The following PTPRD variants were observed in gnomAD, a reference collection of about 807,000 sequenced individuals.
PTPRD encodes receptor-type tyrosine-protein phosphatase delta.
In PTPRD, 34 loss-of-function variants were observed where a neutral mutation model predicts 214.5. The observed-to-expected ratio is 0.16, with a 90% confidence interval of 0.12 to 0.21. The LOEUF (loss-of-function observed/expected upper bound fraction) is 0.21, where lower values mean the gene tolerates loss of function less well. Ranked by LOEUF, PTPRD falls within the 10% of genes least tolerant of loss-of-function variation. PTPRD has a pLI of 1.00. For synonymous variants in PTPRD, 1,128 were observed against 845.7 expected, an observed-to-expected ratio of 1.33 and a Z score of -5.79; for missense variants, 2,545 against 2,398.7, an observed-to-expected ratio of 1.06 and a Z score of -1.27.
At chr9:8,696,157 G>A (rs1227961760) in intron 12 of PTPRD, among the ~76,000 whole-genome samples, 1 of 152,132 alleles carries the variant, frequency 6.6e-6, no homozygotes, top group Non-Finnish European at 1.5e-5. Context: ...TTCACGTTAT[G>A]TTTTTCAAGG....
At chr9:10,460,729 A>C (rs966117370) in intron 2 of PTPRD, among the ~76,000 whole-genome samples, 1 of 152,144 alleles carries the variant, frequency 6.6e-6, no homozygotes, top group African/African-American at 2.4e-5. Context: ...CACCATACAC[A>C]AAAATCAACT....
intron 2 of PTPRD, among the ~76,000 whole-genome samples, chr9:10,588,570 G>A (rs1056122625): frequency 4.6e-5 from 7 of 151,842 alleles, no homozygotes; most frequent in African/African-American, 1.7e-4. Context: ...GATCAACACA[G>A]TTATATTTGA....
At chr9:10,379,717 G>C (rs2097785820) in intron 2 of PTPRD, among the ~76,000 whole-genome samples, 2 of 151,976 alleles carry the variant, frequency 1.3e-5, no homozygotes, top group South Asian at 4.1e-4. Context: ...TGATGGTTGT[G>C]CCTTAAAACC....
chr9:8,816,039 T>A (rs1324916514), intron 11 of PTPRD, among the ~76,000 whole-genome samples: 2 of 152,194 alleles, frequency 1.3e-5, no homozygotes, highest in Admixed American at 6.5e-5. Context: ...CCTTAGGGTT[T>A]ACAGCAATTC....
At chr9:8,323,356 G>C (rs1026800468) in intron 44 of PTPRD, among the ~76,000 whole-genome samples, 1 of 152,138 alleles carries the variant, frequency 6.6e-6, no homozygotes. Flanking sequence ...TGTTATTTAA[G>C]AACTACATTT....
Position 8,633,321 on chromosome 9 carries a change from C to T in PTPRD, c.348G>A (p.Leu116=). ...EISVSTRLTV[L]REDQIPRGFP... ...AACCTTCACTTGAGCACTTACCCCG[C>T]AAAACTGTGAGTCTGGTGGATACAC... is the stretch of plus-strand genomic sequence containing the variant. Residue 116 remains leucine (L), a synonymous_variant, in exon 14 of 46, where the codon TTG becomes TTA. Coordinates refer to ENST00000381196, the MANE Select transcript of PTPRD (RefSeq NM_002839.4). 2 of 1,611,176 alleles carry T rather than the reference C, an allele frequency of 1.2e-6. No individual in the cohort carries two copies. The highest frequency in any genetic ancestry group is 1.1e-5 in the South Asian group (1 of 90,812).
chr9:8,851,447 G>T (rs992040098), intron 11 of PTPRD, among the ~76,000 whole-genome samples: 3 of 152,112 alleles, frequency 2.0e-5, no homozygotes, highest in African/African-American at 7.2e-5. Context: ...TAATAAATGT[G>T]CTAAGCAGAA....
chr9:9,417,490 G>A (rs2077340121), intron 8 of PTPRD, among the ~76,000 whole-genome samples: 1 of 151,998 alleles, frequency 6.6e-6, no homozygotes, highest in South Asian at 2.1e-4. Flanking sequence ...GCTAAGGAGG[G>A]GACAATTTTG....
intron 12 of PTPRD, among the ~76,000 whole-genome samples, chr9:8,660,543 T>C (rs2097020230): frequency 6.6e-6 from 1 of 152,146 alleles, no homozygotes; most frequent in Non-Finnish European, 1.5e-5. Flanking sequence ...GCTCCCATTT[T>C]CAGTTATGCC....
chr9:9,909,777 TG>T (rs1283365750), intron 5 of PTPRD, among the ~76,000 whole-genome samples: 5 of 136,314 alleles, frequency 3.7e-5, no homozygotes, highest in East Asian at 2.3e-4. Context: ...GTGGATTGAA[TG>T]TTTTTTTTTG....
At chr9:8,944,938 G>C (rs2099054740) in intron 11 of PTPRD, among the ~76,000 whole-genome samples, 1 of 152,018 alleles carries the variant, frequency 6.6e-6, no homozygotes, top group East Asian at 1.9e-4. Flanking sequence ...AATGATAAAT[G>C]CTTCAGGTGG....
intron 5 of PTPRD, among the ~76,000 whole-genome samples, chr9:9,889,619 C>G (rs1456150120): frequency 2.0e-5 from 3 of 152,116 alleles, no homozygotes; most frequent in Non-Finnish European, 4.4e-5. Context: ...CCCAATTCCA[C>G]AATACATTGC....
chr9:9,420,555 CAA>C (rs1240131995), intron 8 of PTPRD, among the ~76,000 whole-genome samples: 1 of 151,860 alleles, frequency 6.6e-6, no homozygotes, highest in Non-Finnish European at 1.5e-5. Context: ...TTGGGTCTAA[CAA>C]TTTGGTTTGA....
At chr9:8,807,462 A>G (rs1223904982) in intron 11 of PTPRD, among the ~76,000 whole-genome samples, 2 of 152,204 alleles carry the variant, frequency 1.3e-5, no homozygotes, top group Admixed American at 1.3e-4. Flanking sequence ...ATCAATACTA[A>G]TGAACACTAT....
At chr9:8,718,010 T>C (rs567476894) in intron 12 of PTPRD, among the ~76,000 whole-genome samples, 14 of 152,198 alleles carry the variant, frequency 9.2e-5, no homozygotes, top group Admixed American at 5.2e-4. Flanking sequence ...GCCTGCAACA[T>C]AGTGAGCACT....
At chr9:9,559,655 A>G (rs2082396929) in intron 8 of PTPRD, among the ~76,000 whole-genome samples, 1 of 152,220 alleles carries the variant, frequency 6.6e-6, no homozygotes, top group Admixed American at 6.5e-5. Context: ...GGAGCTATGC[A>G]CATAGCCCTC....
chr9:10,080,727 G>A (rs1280167560), intron 3 of PTPRD, among the ~76,000 whole-genome samples: 1 of 151,722 alleles, frequency 6.6e-6, no homozygotes, highest in Non-Finnish European at 1.5e-5. Flanking sequence ...TTCTTTATAG[G>A]GACTCCTACT....
intron 8 of PTPRD, among the ~76,000 whole-genome samples, chr9:9,478,371 G>C (rs1035828590): frequency 1.3e-5 from 2 of 152,126 alleles, no homozygotes; most frequent in African/African-American, 4.8e-5. Context: ...GAGGTTAATA[G>C]CTGAATAACA....
In PTPRD at chr9:9,357,725, A is replaced by C. The variant is rs113221086; in HGVS notation, c.-203+39724T>G. On this transcript the variant is annotated intron_variant, in intron 9 of 45. Transcript: ENST00000381196. ...AATAGTTTTTAAAATAAAAAAAAAAAATGACACAGTTAAGAGGGCAATAGT... is the reference window on the plus strand; with the variant it reads ...AATAGTTTTTAAAATAAAAAAAAAACATGACACAGTTAAGAGGGCAATAGT... Among the ~76,000 whole-genome samples, 19 of 150,772 alleles carry C rather than the reference A, an allele frequency of 1.3e-4. No homozygotes were observed. In the East Asian group the frequency reaches 3.3e-3, roughly 26 times the overall value.
Sources: gnomAD v4.1 joint callset for allele counts (sites outside exome capture counted in the v4.1 genomes callset) on GRCh38, gnomAD v4.1.1 for gene constraint, MANE v1.5 for transcripts, NCBI Gene and HGNC (gene_info 2026-07-23, HGNC 2026-07-21) for gene names.